SHPRH: variants seen among roughly 807,000 people sequenced by gnomAD.
SHPRH encodes E3 ubiquitin-protein ligase SHPRH.
A neutral mutation model predicts 202.5 loss-of-function variants in SHPRH; 106 were observed. That is an observed-to-expected ratio of 0.52 (90% CI 0.45 to 0.62). The LOEUF (loss-of-function observed/expected upper bound fraction) is 0.62, where lower values mean the gene tolerates loss of function less well. Ranked by LOEUF, SHPRH falls within the 20% of genes least tolerant of loss-of-function variation. The pLI, the probability that SHPRH is intolerant of heterozygous loss-of-function variation, is 0.00. For missense variants in SHPRH, 1,710 were observed against 2,020.0 expected (o/e 0.85, Z 2.94); for synonymous variants, 729 against 686.0 (o/e 1.06, Z -0.98).
rs535717920 is a variant in SHPRH at position 145,864,932 on chromosome 6, A to AACACACACAC, written c.222-451_222-442dup. Among the ~76,000 whole-genome samples the AACACACACAC allele has an allele frequency of 8.7e-4, 117 of 133,946 alleles. 1 individual carries two copies. The highest frequency in any genetic ancestry group is 2.1e-4 in the East Asian group (1 of 4,720). The allele number at this position is 133,946 out of a possible 152,430, so 87.9% of individuals were successfully genotyped here. A position where few individuals can be genotyped will look rare whatever the true frequency, so the allele number is the denominator to read the frequency against. ...TTGAAACTATCAAATAAAATTTATA[A>AACACACACAC]ACACACACACTCACACACACACACA... On this transcript the variant is annotated intron_variant, in intron 2 of 2. Coordinates refer to the SHPRH transcript ENST00000417762.
At chr6:145,933,897 T>C (rs961190555) in intron 13 of SHPRH, among the ~76,000 whole-genome samples, 8 of 152,080 alleles carry the variant, frequency 5.3e-5, no homozygotes, top group African/African-American at 7.2e-5. Context: ...ATCAGAGAGA[T>C]AGAAAATATT....
intron 25 of SHPRH, chr6:145,908,829 C>G (rs1783213090): frequency 6.6e-6 from 1 of 152,110 alleles, no homozygotes; most frequent in Admixed American, 6.6e-5. Flanking sequence ...TTGTCCATGC[C>G]TACGTCCTGA....
intron 4 of SHPRH, among the ~76,000 whole-genome samples, 175 bp downstream of exon 4, chr6:145,950,089 A>C (rs1477589220): frequency 6.6e-6 from 1 of 152,148 alleles, no homozygotes; most frequent in Non-Finnish European, 1.5e-5. Flanking sequence ...GAAACTCACA[A>C]ATTCATTTTT....
At chr6:145,945,678 A>T in intron 7 of SHPRH, 41 bp from the exon 8 acceptor site, 2 of 1,527,912 alleles carry the variant, frequency 1.3e-6, no homozygotes, top group South Asian at 2.6e-5. Context: ...AAAATAATTA[A>T]AATGAAAAGA....
intron 11 of SHPRH, among the ~76,000 whole-genome samples, chr6:145,937,663 A>G (rs1582766285): frequency 6.6e-6 from 1 of 152,138 alleles, no homozygotes; most frequent in Admixed American, 6.6e-5. Context: ...GGCAAATAAC[A>G]TCCTCCATGG....
At chr6:145,956,015 A>C (rs1189311082) in intron 1 of SHPRH, among the ~76,000 whole-genome samples, 1 of 152,130 alleles carries the variant, frequency 6.6e-6, no homozygotes. Context: ...AACGAAAAAC[A>C]CATTGTATGA....
Position 145,910,505 on chromosome 6 carries a change from T to C in SHPRH, c.4458A>G (p.Glu1486=). 1 of 1,613,298 alleles carries C rather than the reference T, an allele frequency of 6.2e-7. No individual in the cohort carries two copies. ...TCTCTGAGGTAAAGACATACGAGAT[T>C]TCTTTGTGAGATGTGGTCTGGCGGC... ...AICRQTTSHK[E]ISYVFTSEKA... is the part of the protein sequence containing the mutation. Residue 1486 remains glutamate (E), a synonymous_variant, in exon 25 of 30, where the codon GAA becomes GAG. Coordinates refer to ENST00000275233, the MANE Select transcript of SHPRH (RefSeq NM_001042683.3).
chr6:145,935,449 G>C lies in SHPRH; in HGVS notation c.2570-8C>G. On this transcript the variant is annotated splice_polypyrimidine_tract_variant and splice_region_variant and intron_variant, in intron 11 of 29. Transcript: ENST00000275233. ...CCACTAACCCAAAAAGATCTGAAAA[G>C]AAAAAATAAAATACATTGAGGATAA... 2 of 1,611,102 alleles carry C rather than the reference G, an allele frequency of 1.2e-6. No individual in the cohort carries two copies.
At chr6:145,864,053 C>A (rs1240405696), downstream of SHPRH, among the ~76,000 whole-genome samples, 1 of 152,096 alleles carries the variant, frequency 6.6e-6, no homozygotes, top group Non-Finnish European at 1.5e-5. Flanking sequence ...GCAAAGCAAA[C>A]CATCATATAT....
intron 1 of SHPRH, among the ~76,000 whole-genome samples, chr6:145,959,306 AT>A (rs1788837797): frequency 6.6e-6 from 1 of 152,130 alleles, no homozygotes; most frequent in Non-Finnish European, 1.5e-5. Flanking sequence ...AAGGTGTACT[AT>A]TTTTTATCTT....
intron 11 of SHPRH, among the ~76,000 whole-genome samples, chr6:145,939,308 T>C (rs1194418727): frequency 3.3e-5 from 5 of 152,222 alleles, no homozygotes; most frequent in African/African-American, 1.2e-4. Flanking sequence ...TGTGCACATA[T>C]ATTCATGGCT....
rs1231640060 is a variant in SHPRH, at chr6:145,938,860, A to G, written c.2569+1863T>C. On this transcript the variant is annotated intron_variant, in intron 11 of 29. Coordinates refer to ENST00000275233, the MANE Select transcript of SHPRH (RefSeq NM_001042683.3). ...GTAGACATAGGGTGTGGCGGGTGGA[A>G]GGAGTTAGGAAGCATTCTTCCATAT... is the stretch of plus-strand genomic sequence containing the variant. 2.0e-5 allele frequency among the ~76,000 whole-genome samples: 3 copies of G among 152,136 alleles called. No individual in the cohort carries two copies. In the East Asian group the frequency reaches 5.8e-4, roughly 29 times the overall value.
chr6:145,874,930 T>C (rs535431720), intron 2 of SHPRH, among the ~76,000 whole-genome samples: 55 of 152,296 alleles, frequency 3.6e-4, no homozygotes, highest in African/African-American at 1.3e-3. Flanking sequence ...AAATTAAACA[T>C]ATCGATTTTT....
intron 18 of SHPRH, 85 bp downstream of exon 18, chr6:145,923,558 T>TA (rs1360684374): frequency 6.6e-7 from 1 of 1,515,254 alleles, no homozygotes; most frequent in East Asian, 2.3e-5. Flanking sequence ...AAGCCGGTAA[T>TA]AATGAGAAAT....
chr6:145,874,332 T>C (rs1780204445), intron 2 of SHPRH, among the ~76,000 whole-genome samples: 1 of 152,148 alleles, frequency 6.6e-6, no homozygotes, highest in African/African-American at 2.4e-5. Flanking sequence ...CTTTACTTCA[T>C]CTTTCATTCT....
chr6:145,897,766 GA>G lies in SHPRH; in HGVS notation c.4516-2790del, dbSNP rs370153287. Among the ~76,000 whole-genome samples the G allele has an allele frequency of 3.6e-3, 552 of 151,616 alleles. 4 individuals are homozygous for G. The highest frequency in any genetic ancestry group is 0.013 in the African/African-American group (527 of 41,382). On this transcript the variant is annotated intron_variant, in intron 25 of 29. Coordinates refer to ENST00000275233, the MANE Select transcript of SHPRH (RefSeq NM_001042683.3). ...AAATGTGATACACCACAGAATAAAG[GA>G]AAAAAATGATCATCTCAATATATGC...
chr6:145,861,361 T>A (rs1779573858), downstream of SHPRH, among the ~76,000 whole-genome samples: 1 of 151,928 alleles, frequency 6.6e-6, no homozygotes. Flanking sequence ...ACATTACTAG[T>A]CATTAGTGAA....
chr6:145,954,561 A>T, intron 2 of SHPRH, 129 bp downstream of exon 2: 2 of 958,702 alleles, frequency 2.1e-6, no homozygotes, highest in Non-Finnish European at 3.1e-6. Flanking sequence ...TTAAAAGCTT[A>T]AAGTGTACTT....
intron 24 of SHPRH, among the ~76,000 whole-genome samples, chr6:145,911,043 T>C (rs1328744353): frequency 6.6e-6 from 1 of 152,202 alleles, no homozygotes; most frequent in Admixed American, 6.6e-5. Flanking sequence ...AAAGCACTTA[T>C]ATAGAAAATA....
Sources: allele counts gnomAD v4.1 joint callset (sites outside exome capture counted in the v4.1 genomes callset), GRCh38; gene constraint gnomAD v4.1.1; transcripts MANE v1.5; gene names NCBI Gene and HGNC (gene_info 2026-07-23, HGNC 2026-07-21).